Variants in NUP205 observed in about 807,000 individuals in gnomAD.
NUP205 encodes the protein nucleoporin 205.
NUP205 carries 76 observed loss-of-function variants against 253.8 expected under a neutral mutation model. The observed-to-expected ratio is 0.30, with a 90% CI of 0.25 to 0.36. NUP205 has a LOEUF of 0.36. Ranked by LOEUF, NUP205 falls within the 10% of genes least tolerant of loss-of-function variation. NUP205 has a pLI of 1.00. For synonymous variants in NUP205, 832 were observed against 850.1 expected (o/e 0.98, Z 0.37); for missense variants, 2,162 against 2,425.5 (o/e 0.89, Z 2.28).
chr7:135,604,530 T>C, intron 19 of NUP205, 70 bp downstream of exon 19: 1 of 1,403,756 alleles, frequency 7.1e-7, no homozygotes. Flanking sequence ...GAAGTTCTAG[T>C]GTCTATGGAG....
At chr7:135,647,377 T>C (rs1009415461) in intron 42 of NUP205, among the ~76,000 whole-genome samples, 9 of 152,212 alleles carry the variant, frequency 5.9e-5, no homozygotes, top group Non-Finnish European at 1.0e-4. Flanking sequence ...AATACCACGC[T>C]CCCATCCCAA....
chr7:135,576,553 A>G (rs1304125395), intron 4 of NUP205, 139 bp downstream of exon 4: 7 of 725,014 alleles, frequency 9.7e-6, no homozygotes, highest in African/African-American at 1.8e-5. Flanking sequence ...AGACAGATAT[A>G]ACAATTTAAA....
At chr7:135,618,693 G>T in intron 28 of NUP205, 90 bp downstream of exon 28, 1 of 1,133,922 alleles carries the variant, frequency 8.8e-7, no homozygotes, top group South Asian at 1.5e-5. Context: ...TTCCATTTTC[G>T]ATTGGGAGTA....
At chr7:135,579,298 G>A (rs1261840407) in intron 7 of NUP205, among the ~76,000 whole-genome samples, 4 of 151,640 alleles carry the variant, frequency 2.6e-5, no homozygotes, top group Admixed American at 6.6e-5. Flanking sequence ...GGGTTCAAGC[G>A]ATTCTCCTGC....
chr7:135,642,929 A>C (rs952355549), intron 38 of NUP205, among the ~76,000 whole-genome samples: 1 of 151,866 alleles, frequency 6.6e-6, no homozygotes, highest in African/African-American at 2.4e-5. Flanking sequence ...TGCCTAATAA[A>C]GGGTAGGCTC....
intron 35 of NUP205, among the ~76,000 whole-genome samples, chr7:135,632,780 G>A (rs1313645822): frequency 6.6e-6 from 1 of 151,822 alleles, no homozygotes; most frequent in Non-Finnish European, 1.5e-5. Flanking sequence ...ACTCCTAATG[G>A]TTTTTCCTTT....
intron 12 of NUP205, 57 bp from the exon 13 acceptor site, chr7:135,594,490 G>T: frequency 7.4e-7 from 1 of 1,342,300 alleles, no homozygotes; most frequent in East Asian, 2.3e-5. Flanking sequence ...ATGATTGCTG[G>T]TCATTTTAAT....
Position 135,617,685 on chromosome 7 carries a change from A to G in NUP205, c.3771+3A>G, listed in dbSNP as rs757790007. On this transcript the variant is annotated splice_donor_region_variant and intron_variant, in intron 27 of 42. Coordinates refer to ENST00000285968, the MANE Select transcript of NUP205 (RefSeq NM_015135.3). ...GACAGAGACCTCTACTAATGGAGGT[A>G]AGCTCTATTGAGTATGTGTTCGTTT... is the stretch of plus-strand genomic sequence containing the variant. The G allele has an allele frequency of 1.9e-6, 3 of 1,578,896 alleles. No homozygotes were observed. Among genetic ancestry groups the G allele is most frequent in the Non-Finnish European group, 2.6e-6 (3 of 1,148,230 alleles).
chr7:135,560,150 G>T (rs996554862), intron 1 of NUP205, among the ~76,000 whole-genome samples: 5 of 151,956 alleles, frequency 3.3e-5, no homozygotes, highest in African/African-American at 1.2e-4. Context: ...GAGCCACTGC[G>T]CCTGGCCAAT....
At chr7:135,612,127 A>C (rs752970892) in intron 22 of NUP205, among the ~76,000 whole-genome samples, 32 of 152,158 alleles carry the variant, frequency 2.1e-4, no homozygotes, top group Non-Finnish European at 4.0e-4. Context: ...CTCAAAAAAA[A>C]CAGAAGAAAA....
chr7:135,564,585 G>T (rs550189481), intron 1 of NUP205, among the ~76,000 whole-genome samples: 13 of 150,476 alleles, frequency 8.6e-5, no homozygotes, highest in Non-Finnish European at 1.8e-4. Context: ...TTTGCCATGT[G>T]ACCCAGGCTG....
At chr7:135,584,797 T>G (rs1806409898) in intron 7 of NUP205, 35 bp from the exon 8 acceptor site, 3 of 1,593,852 alleles carry the variant, frequency 1.9e-6, no homozygotes, top group African/African-American at 2.7e-5. Flanking sequence ...TAATGACTTT[T>G]CCTCCATGTA....
At chr7:135,647,381 AT>A (rs1795031271) in intron 42 of NUP205, among the ~76,000 whole-genome samples, 5 of 152,236 alleles carry the variant, frequency 3.3e-5, no homozygotes, top group Admixed American at 2.6e-4. Flanking sequence ...CCACGCTCCC[AT>A]CCCAATCCAG....
At chr7:135,626,577 TGCC>T (rs1794593855) in intron 33 of NUP205, among the ~76,000 whole-genome samples, 1 of 146,646 alleles carries the variant, frequency 6.8e-6, no homozygotes, top group Non-Finnish European at 1.5e-5. Context: ...AATGTGTACT[TGCC>T]CAATGTTATT....
At chr7:135,615,246 A>G (rs1038936227) in intron 23 of NUP205, among the ~76,000 whole-genome samples, 4 of 152,136 alleles carry the variant, frequency 2.6e-5, no homozygotes, top group Admixed American at 2.6e-4. Context: ...AAGCATATTA[A>G]AATAGTATTG....
chr7:135,607,142 A>G, intron 21 of NUP205, 105 bp from the exon 22 acceptor site: 2 of 1,375,858 alleles, frequency 1.5e-6, no homozygotes, highest in Non-Finnish European at 2.0e-6. Context: ...AAGAGTGTTT[A>G]CAGTACAGCA....
Position 135,596,826 on chromosome 7 carries a change from G to A in NUP205, c.2014-542G>A, listed in dbSNP as rs189240308. 2.7e-3 allele frequency among the ~76,000 whole-genome samples: 413 copies of A among 151,678 alleles called. 3 individuals carry two copies. The highest frequency in any genetic ancestry group is 4.2e-3 in the Non-Finnish European group (286 of 67,898). ...AAAAAAATTAGCTGGGCATGGTGGC[G>A]CACGTCTGTAATCCCAGCTACTCTG... On this transcript the variant is annotated intron_variant, in intron 13 of 42. Coordinates refer to ENST00000285968, the MANE Select transcript of NUP205 (RefSeq NM_015135.3).
At chr7:135,613,545 C>A (rs565368439) in intron 22 of NUP205, among the ~76,000 whole-genome samples, 8 of 136,684 alleles carry the variant, frequency 5.9e-5, no homozygotes, top group African/African-American at 1.9e-4. Flanking sequence ...CTTTTTTTTT[C>A]TTTTTTTTTT....
rs569219980 is a variant in NUP205 at position 135,565,826 on chromosome 7, CTT to C, written c.29-5277_29-5276del. Among the ~76,000 whole-genome samples, 27 of 152,316 alleles carry C rather than the reference CTT, an allele frequency of 1.8e-4. No homozygotes were observed. In the East Asian group the frequency reaches 5.2e-3, roughly 29 times the overall value. On this transcript the variant is annotated intron_variant, in intron 1 of 42. Transcript: ENST00000285968. ...TCATTTTGTCATCTGCTACTGGAAA[CTT>C]TGCCATTTACTAATAGGAAAAATTC... is the stretch of plus-strand genomic sequence containing the variant.
Sources: allele counts gnomAD v4.1 joint callset (sites outside exome capture counted in the v4.1 genomes callset), GRCh38; gene constraint gnomAD v4.1.1; transcripts MANE v1.5; gene names NCBI Gene and HGNC (gene_info 2026-07-23, HGNC 2026-07-21).